The following MSL1 variants were observed in gnomAD, a reference collection of about 807,000 sequenced individuals.
MSL1 encodes the protein male-specific lethal 1 homolog.
In MSL1, 21 loss-of-function variants were observed where a neutral mutation model predicts 64.6. The observed-to-expected ratio is 0.33, with a 90% confidence interval of 0.23 to 0.47. MSL1 has a LOEUF of 0.47. Ranked by LOEUF, MSL1 falls within the 20% of genes least tolerant of loss-of-function variation. The probability of loss-of-function intolerance (pLI) is 1.00; values close to 1 mark genes in which losing one functional copy is unlikely to be tolerated. For missense variants in MSL1, 664 were observed against 793.2 expected, an observed-to-expected ratio of 0.84 and a Z score of 1.96; for synonymous variants, 339 against 329.6, an observed-to-expected ratio of 1.03 and a Z score of -0.31.
In MSL1 at chr17:40,122,809, G is replaced by A. The variant is rs1211236184; in HGVS notation, c.197G>A (p.Ser66Asn). The change falls in exon 1 of 9, where the codon AGC (serine) becomes AAC (asparagine). Residue 66 changes from serine to asparagine, a missense_variant. Coordinates refer to ENST00000398532, the MANE Select transcript of MSL1 (RefSeq NM_001365919.1). The surrounding 1 kb of genome is among the most constrained non-coding windows in gnomAD (Gnocchi z 4.2). ...GPPLASSQGG[S>N]PAPSPAGCGG... ...CCGCTGGCCTCCTCCCAGGGCGGGAGCCCCGCGCCTTCCCCGGCCGGCTGC... is the reference window on the plus strand; with the variant it reads ...CCGCTGGCCTCCTCCCAGGGCGGGAACCCCGCGCCTTCCCCGGCCGGCTGC... 7.3e-7 allele frequency: 1 copy of A among 1,370,958 alleles called. No homozygotes were observed. Among genetic ancestry groups the A allele is most frequent in the Non-Finnish European group, 9.3e-7 (1 of 1,070,930 alleles). 84.9% of individuals were successfully genotyped at this position (1,370,958 alleles called of 1,614,324 possible).
Position 40,122,228 on chromosome 17 carries a change from C to T in MSL1, c.-385C>T, listed in dbSNP as rs890567090. 1 of 42,802 alleles carries T rather than the reference C, an allele frequency of 2.3e-5. No individual in the cohort carries two copies. Among genetic ancestry groups the T allele is most frequent in the African/African-American group, 8.8e-5 (1 of 11,312 alleles). 2.7% of individuals were successfully genotyped at this position (42,802 alleles called of 1,614,324 possible). On this transcript the variant is annotated 5_prime_UTR_variant, in exon 1 of 9. Coordinates refer to ENST00000398532, the MANE Select transcript of MSL1 (RefSeq NM_001365919.1). This position sits in a 1 kb window ranked among gnomAD's most constrained non-coding sequence, Gnocchi z 4.2. ...TGAGGCGAGCTCCGGGGCGGGGGGCCGGGGCGGGGAAGGGGGGGTGCGGGG... is the reference window on the plus strand; with the variant it reads ...TGAGGCGAGCTCCGGGGCGGGGGGCTGGGGCGGGGAAGGGGGGGTGCGGGG...
At position 40,126,239 on chromosome 17, in the gene MSL1, C is replaced by T. The variant is rs756291172; in HGVS notation, c.825C>T (p.Asn275=). The T allele has an allele frequency of 1.9e-5, 30 of 1,613,726 alleles. No individual in the cohort carries two copies. Among genetic ancestry groups the T allele is most frequent in the Admixed American group, 5.0e-5 (3 of 59,982 alleles). The part of the protein sequence containing the change: ...ERRMQLVKKD[N]EKERHKLFQG... ...GGATGCAGCTGGTAAAGAAGGATAA[C>T]GAGAAAGAAAGGCACAAGCTGTTTC... is the stretch of plus-strand genomic sequence containing the variant. Residue 275 remains asparagine, a synonymous_variant, in exon 2 of 9, where the codon AAC becomes AAT. Coordinates refer to ENST00000398532, the MANE Select transcript of MSL1 (RefSeq NM_001365919.1).
rs1199806043 is a variant in MSL1 at position 40,122,977 on chromosome 17, G to C, written c.365G>C (p.Gly122Ala). 8 of 1,527,802 alleles carry C rather than the reference G, an allele frequency of 5.2e-6. No homozygotes were observed. Among genetic ancestry groups the C allele is most frequent in the South Asian group, 3.6e-5 (3 of 83,686 alleles). 94.6% of individuals were successfully genotyped at this position (1,527,802 alleles called of 1,614,324 possible). A position where few individuals can be genotyped will look rare whatever the true frequency, so the allele number is the denominator to read the frequency against. ...AGIGGEPAAAGAGCSPRPKYQ... is the reference protein window; with the variant it reads ...AGIGGEPAAAAAGCSPRPKYQ... The stretch of plus-strand genomic sequence containing the variant: ...ATTGGGGGGGAGCCTGCCGCAGCCG[G>C]AGCCGGCTGCAGCCCCCGGCCCAAG... The change falls in exon 1 of 9, where the codon GGA becomes GCA. Residue 122 changes from glycine (G) to alanine (A), a missense_variant. Around this residue, in one of 4 missense-constraint regions of MSL1, gnomAD observed 466 missense variants for 499.0 expected, o/e 0.93. Transcript: ENST00000398532. The surrounding 1 kb of genome is among the most constrained non-coding windows in gnomAD (Gnocchi z 4.2).
Position 40,135,677 on chromosome 17 carries a change from G to A in MSL1, c.*1308G>A, listed in dbSNP as rs1386087362. 1 of 152,160 alleles carries A rather than the reference G, an allele frequency of 6.6e-6. No homozygotes were observed. Among genetic ancestry groups the A allele is most frequent in the Non-Finnish European group, 1.5e-5 (1 of 67,934 alleles). The allele number at this position is 152,160 out of a possible 1,614,324, so 9.4% of individuals were successfully genotyped here. ...ATCAGTGGAGCACGAAGAGAGAATG[G>A]GATACCATTGTGGGAAGAGAAGAAA... On this transcript the variant is annotated 3_prime_UTR_variant, in exon 9 of 9. Coordinates refer to ENST00000398532, the MANE Select transcript of MSL1 (RefSeq NM_001365919.1).
chr17:40,123,492 G>A, intron 1 of MSL1, 112 bp downstream of exon 1: 1 of 1,012,150 alleles, frequency 9.9e-7, no homozygotes, highest in Non-Finnish European at 1.4e-6. Context: ...AAGGAGGTTG[G>A]CCACCGGCAA....
At position 40,122,644 on chromosome 17, in the gene MSL1, C is replaced by T. The variant is rs1359522668; in HGVS notation, c.32C>T (p.Ala11Val). 2.0e-6 allele frequency: 3 copies of T among 1,490,792 alleles called. No individual in the cohort carries two copies. The highest frequency in any genetic ancestry group is 2.2e-5 in the Admixed American group (1 of 45,276). 92.3% of individuals were successfully genotyped at this position (1,490,792 alleles called of 1,614,324 possible). MTMRSAVFKA[A>V]AAPAGGNPEQ... is the part of the protein sequence containing the mutation. ...ATGAGATCCGCGGTGTTCAAGGCGG[C>T]CGCGGCCCCTGCCGGCGGCAATCCT... The change falls in exon 1 of 9, where the codon GCC becomes GTC. Residue 11 changes from alanine (A) to valine (V), a missense_variant. This residue lies in a region of MSL1 where 466 missense variants were observed against 499.0 expected (regional missense o/e 0.93). Coordinates refer to ENST00000398532, the MANE Select transcript of MSL1 (RefSeq NM_001365919.1). The surrounding 1 kb of genome is among the most constrained non-coding windows in gnomAD (Gnocchi z 4.2).
chr17:40,126,804 CAA>C (rs571982185), intron 2 of MSL1: 587 of 105,150 alleles, frequency 5.6e-3, no homozygotes, highest in South Asian at 0.021. Context: ...GAGACTCCGT[CAA>C]AAAAAAAAAA....
At position 40,123,374 on chromosome 17, in the gene MSL1, A is replaced by G; in HGVS notation, c.762A>G (p.Arg254=). 1 of 1,536,208 alleles carries G rather than the reference A, an allele frequency of 6.5e-7. No individual in the cohort carries two copies. Among genetic ancestry groups the G allele is most frequent in the Non-Finnish European group, 8.7e-7 (1 of 1,146,830 alleles). Residue 254 remains arginine, a synonymous_variant, in exon 1 of 9, where the codon AGA becomes AGG. Transcript: ENST00000398532. ...EKEIEELKSE[R]DTLLARIERM... ...AGATCGAGGAGCTGAAGTCAGAGAG[A>G]GACACGGTACGGGAGGGGTTAATCT...
chr17:40,129,536 C>T lies in MSL1; in HGVS notation c.1284C>T (p.Thr428=). 6.2e-7 allele frequency: 1 copy of T among 1,613,888 alleles called. No homozygotes were observed. Among genetic ancestry groups the T allele is most frequent in the Non-Finnish European group, 8.5e-7 (1 of 1,179,874 alleles). Residue 428 remains threonine, a synonymous_variant, in exon 3 of 9, where the codon ACC becomes ACT. Transcript: ENST00000398532. ...TAGAAGATTTGCCGTACCTTTCCAC[C>T]ACAGAAATGTATTTGTGTCGTTGGC... is the stretch of plus-strand genomic sequence containing the variant. ...SEIEDLPYLS[T]TEMYLCRWHQ...
chr17:40,130,701 C>A (rs189262958), intron 3 of MSL1, among the ~76,000 whole-genome samples: 1 of 152,188 alleles, frequency 6.6e-6, no homozygotes, highest in South Asian at 2.1e-4. Context: ...AGGCCTCACA[C>A]TTGAGTACAT....
rs1988217306 is a variant in MSL1 at position 40,122,871 on chromosome 17, G to A, written c.259G>A (p.Ala87Thr). The change falls in exon 1 of 9, where the codon GCG (alanine) becomes ACG (threonine). Residue 87 changes from alanine (A) to threonine (T), a missense_variant. By Grantham distance (58) the Ala-to-Thr change is moderately conservative. Around this residue, in one of 4 missense-constraint regions of MSL1, gnomAD observed 466 missense variants for 499.0 expected, o/e 0.93. Coordinates refer to ENST00000398532, the MANE Select transcript of MSL1 (RefSeq NM_001365919.1). This position sits in a 1 kb window ranked among gnomAD's most constrained non-coding sequence, Gnocchi z 4.2. ...CCGGGGCTTGTTACTCCCGGCCGGG[G>A]CGGCCCCCGGGCAGCAGGAAGAGAG... ...KGRGLLLPAG[A>T]APGQQEESWG... The A allele has an allele frequency of 7.2e-7, 1 of 1,396,324 alleles. No homozygotes were observed. The highest frequency in any genetic ancestry group is 9.2e-7 in the Non-Finnish European group (1 of 1,085,014). 86.5% of individuals were successfully genotyped at this position (1,396,324 alleles called of 1,614,324 possible).
Position 40,122,896 on chromosome 17 carries a change from G to C in MSL1, c.284G>C (p.Ser95Thr), listed in dbSNP as rs1488486675. The C allele has an allele frequency of 6.8e-7, 1 of 1,471,580 alleles. No homozygotes were observed. Among genetic ancestry groups the C allele is most frequent in the Non-Finnish European group, 8.9e-7 (1 of 1,119,344 alleles). 91.2% of individuals were successfully genotyped at this position (1,471,580 alleles called of 1,614,324 possible). ...GCGGCCCCCGGGCAGCAGGAAGAGA[G>C]CTGGGGCGGTTCGGTGCCCTTGCCC... Reference protein sequence around the residue: ...AGAAPGQQEESWGGSVPLPCP... With the variant: ...AGAAPGQQEETWGGSVPLPCP... The change falls in exon 1 of 9, where the codon AGC (serine) becomes ACC (threonine). Residue 95 changes from serine (S) to threonine (T), a missense_variant. By Grantham distance (58) the Ser-to-Thr change is moderately conservative. Around this residue, in one of 4 missense-constraint regions of MSL1, gnomAD observed 466 missense variants for 499.0 expected, o/e 0.93. Transcript: ENST00000398532. This position sits in a 1 kb window ranked among gnomAD's most constrained non-coding sequence, Gnocchi z 4.2.
chr17:40,122,503 G>A lies in MSL1; in HGVS notation c.-110G>A, dbSNP rs1988200350. 4 of 792,380 alleles carry A rather than the reference G, an allele frequency of 5.0e-6. No individual in the cohort carries two copies. In the South Asian group the frequency reaches 8.3e-5, roughly 16 times the overall value. The allele number at this position is 792,380 out of a possible 1,614,324, so 49.1% of individuals were successfully genotyped here. On this transcript the variant is annotated 5_prime_UTR_variant, in exon 1 of 9. It removes the in-frame stop codon of an upstream open reading frame in the 5' UTR. Coordinates refer to ENST00000398532, the MANE Select transcript of MSL1 (RefSeq NM_001365919.1). This position sits in a 1 kb window ranked among gnomAD's most constrained non-coding sequence, Gnocchi z 4.2. ...AGCGGAGGCCTGCTGCCGCGCTGCT[G>A]AGGCGAGCCCGCCAAACTCCCCTCC...
rs1598409427 is a variant in MSL1, at chr17:40,122,915, C to G, written c.303C>G (p.Pro101=). 3 of 1,511,266 alleles carry G rather than the reference C, an allele frequency of 2.0e-6. No individual in the cohort carries two copies. Among genetic ancestry groups the G allele is most frequent in the Non-Finnish European group, 1.8e-6 (2 of 1,137,182 alleles). The allele number at this position is 1,511,266 out of a possible 1,614,324, so 93.6% of individuals were successfully genotyped here. ...AAGAGAGCTGGGGCGGTTCGGTGCC[C>G]TTGCCCTGTCCGCCCCCGGCCACCA... ...QQEESWGGSV[P]LPCPPPATKQ... Residue 101 remains proline (P), a synonymous_variant, in exon 1 of 9, where the codon CCC becomes CCG. Transcript: ENST00000398532. This position sits in a 1 kb window ranked among gnomAD's most constrained non-coding sequence, Gnocchi z 4.2.
rs1442517971 is a variant in MSL1 at position 40,135,982 on chromosome 17, G to A, written c.*1613G>A. On this transcript the variant is annotated 3_prime_UTR_variant, in exon 9 of 9. Transcript: ENST00000398532. Reference sequence around the variant, plus strand: ...GAGAAATAGGACTTAATTCCACTAGGGGCTCTCATCTCACACCTTAAGGAG... The same window carrying A: ...GAGAAATAGGACTTAATTCCACTAGAGGCTCTCATCTCACACCTTAAGGAG... 2 of 152,180 alleles carry A rather than the reference G, an allele frequency of 1.3e-5. No individual in the cohort carries two copies. The highest frequency in any genetic ancestry group is 4.8e-5 in the African/African-American group (2 of 41,370). 9.4% of individuals were successfully genotyped at this position (152,180 alleles called of 1,614,324 possible).
rs1393462639 is a variant in MSL1, at chr17:40,129,543, A to G, written c.1291A>G (p.Met431Val). ...EDLPYLSTTE[M>V]YLCRWHQPPP... Reference sequence around the variant, plus strand: ...TTTGCCGTACCTTTCCACCACAGAAATGTATTTGTGTCGTTGGCACCAGCC... The same window carrying G: ...TTTGCCGTACCTTTCCACCACAGAAGTGTATTTGTGTCGTTGGCACCAGCC... The change falls in exon 3 of 9, where the codon ATG becomes GTG. Residue 431 changes from methionine to valine, a missense_variant. This residue lies in a region of MSL1 where 119 missense variants were observed against 164.3 expected (regional missense o/e 0.72). Transcript: ENST00000398532. 4 of 1,613,762 alleles carry G rather than the reference A, an allele frequency of 2.5e-6. No homozygotes were observed. The Admixed American group carries it at 6.7e-5, about 27-fold the overall frequency.
intron 1 of MSL1, among the ~76,000 whole-genome samples, chr17:40,125,852 A>T (rs1471019671): frequency 6.6e-6 from 1 of 152,210 alleles, no homozygotes; most frequent in Non-Finnish European, 1.5e-5. Flanking sequence ...ACCAACTTGG[A>T]GCCACACAGG....
Position 40,126,344 on chromosome 17 carries a change from G to C in MSL1, c.930G>C (p.Glu310Asp). ...TGGAGTGCCAGCCGGAGCTTTCCGA[G>C]ACATCCCAGACTCTGCCTCCCAAGC... ...IKLECQPELSETSQTLPPKPF... is the reference protein window; with the variant it reads ...IKLECQPELSDTSQTLPPKPF... The change falls in exon 2 of 9, where the codon GAG becomes GAC. Residue 310 changes from glutamate to aspartate, a missense_variant. Glu to Asp is a conservative substitution (Grantham distance 45). This residue lies in a region of MSL1 where 466 missense variants were observed against 499.0 expected (regional missense o/e 0.93). Transcript: ENST00000398532. The C allele has an allele frequency of 6.2e-7, 1 of 1,614,036 alleles. No individual in the cohort carries two copies. The highest frequency in any genetic ancestry group is 1.1e-5 in the South Asian group (1 of 91,084).
Position 40,131,851 on chromosome 17 carries a change from C to G in MSL1, c.1424-183C>G. The G allele has an allele frequency of 1.6e-6, 1 of 617,268 alleles. No individual in the cohort carries two copies. Among genetic ancestry groups the G allele is most frequent in the Non-Finnish European group, 2.8e-6 (1 of 351,042 alleles). 38.2% of individuals were successfully genotyped at this position (617,268 alleles called of 1,614,324 possible). A position where few individuals can be genotyped will look rare whatever the true frequency, so the allele number is the denominator to read the frequency against. On this transcript the variant is annotated intron_variant, in intron 4 of 8. Transcript: ENST00000398532. This position sits in a 1 kb window ranked among gnomAD's most constrained non-coding sequence, Gnocchi z 4.5. ...GCAGACTGCAATGGCATTTTAGGTT[C>G]TTTTATACCATAGCAAGGACACTGA...
Sources: gnomAD v4.1 joint callset for allele counts (sites outside exome capture counted in the v4.1 genomes callset) on GRCh38, gnomAD v4.1.1 for gene constraint, gnomAD v4.1.1 regional missense constraint, Gnocchi (gnomAD v3.1) non-coding constraint, MANE v1.5 for transcripts, NCBI Gene and HGNC (gene_info 2026-07-23, HGNC 2026-07-21) for gene names.